PTPRD: variants seen among roughly 807,000 people sequenced by gnomAD.
PTPRD encodes the protein receptor-type tyrosine-protein phosphatase delta.
Under a neutral mutation model 214.5 loss-of-function variants are expected in PTPRD, and 34 were observed. That is an observed-to-expected ratio of 0.16 (90% confidence interval 0.12 to 0.21). The LOEUF is 0.21. Ranked by LOEUF, PTPRD falls within the 10% of genes least tolerant of loss-of-function variation. PTPRD has a pLI of 1.00. For missense variants in PTPRD, 2,545 were observed against 2,398.7 expected (o/e 1.06, Z -1.27); for synonymous variants, 1,128 against 845.7 (o/e 1.33, Z -5.79).
At chr9:9,453,436 C>T (rs1489971056) in intron 8 of PTPRD, among the ~76,000 whole-genome samples, 1 of 151,484 alleles carries the variant, frequency 6.6e-6, no homozygotes, top group African/African-American at 2.4e-5. Context: ...TCATTATCAC[C>T]ATTTTATTGT....
chr9:10,215,292 A>G (rs1465257119), intron 3 of PTPRD, among the ~76,000 whole-genome samples: 2 of 152,048 alleles, frequency 1.3e-5, no homozygotes, highest in African/African-American at 4.8e-5. Flanking sequence ...AAAAAAAGCA[A>G]AGCTCTTCTA....
chr9:9,499,153 A>G (rs1419196460), intron 8 of PTPRD, among the ~76,000 whole-genome samples: 1 of 152,194 alleles, frequency 6.6e-6, no homozygotes, highest in Non-Finnish European at 1.5e-5. Flanking sequence ...GTTTCTCTTC[A>G]AAGATAATCA....
At chr9:9,447,543 G>C (rs538034787) in intron 8 of PTPRD, among the ~76,000 whole-genome samples, 2 of 152,128 alleles carry the variant, frequency 1.3e-5, no homozygotes, top group South Asian at 2.1e-4. Flanking sequence ...AGGAAGGAGA[G>C]GATCAGGAAA....
At chr9:9,231,150 C>T (rs1219046674) in intron 9 of PTPRD, among the ~76,000 whole-genome samples, 1 of 152,100 alleles carries the variant, frequency 6.6e-6, no homozygotes, top group African/African-American at 2.4e-5. Context: ...TCTGCACTGT[C>T]TGCTACTATT....
intron 5 of PTPRD, among the ~76,000 whole-genome samples, chr9:9,898,987 T>A (rs1465308986): frequency 2.6e-5 from 4 of 151,906 alleles, no homozygotes; most frequent in African/African-American, 4.8e-5. Context: ...ACATAACAAA[T>A]CCCCAAAAAA....
chr9:9,037,914 C>T (rs1050589755), intron 10 of PTPRD, among the ~76,000 whole-genome samples: 39 of 152,176 alleles, frequency 2.6e-4, no homozygotes, highest in African/African-American at 9.4e-4. Context: ...TGTGGTTTAG[C>T]ATCTGGTTTG....
intron 9 of PTPRD, among the ~76,000 whole-genome samples, chr9:9,209,995 G>A (rs1019716864): frequency 3.3e-5 from 5 of 152,218 alleles, no homozygotes; most frequent in African/African-American, 4.8e-5. Flanking sequence ...TGATTATCAC[G>A]CAGTAGATTT....
At chr9:9,508,521 T>C (rs1172419146) in intron 8 of PTPRD, among the ~76,000 whole-genome samples, 1 of 151,758 alleles carries the variant, frequency 6.6e-6, no homozygotes, top group Admixed American at 6.6e-5. Flanking sequence ...TAATCTACTT[T>C]CCGAGCTTGC....
At chr9:9,133,900 G>T (rs538087973) in intron 10 of PTPRD, among the ~76,000 whole-genome samples, 3 of 151,956 alleles carry the variant, frequency 2.0e-5, no homozygotes, top group Non-Finnish European at 2.9e-5. Flanking sequence ...AAGGGAACTG[G>T]GTAAGACTCT....
intron 3 of PTPRD, among the ~76,000 whole-genome samples, chr9:10,150,867 A>G (rs982780726): frequency 6.6e-6 from 1 of 152,050 alleles, no homozygotes; most frequent in African/African-American, 2.4e-5. Flanking sequence ...TTGGAGTTCA[A>G]TAAAAATTTT....
chr9:8,346,650 C>A (rs1857935541), intron 39 of PTPRD, among the ~76,000 whole-genome samples: 1 of 152,030 alleles, frequency 6.6e-6, no homozygotes, highest in Non-Finnish European at 1.5e-5. Context: ...GATGGACTGC[C>A]CTGGTATTGT....
chr9:9,366,189 TA>T (rs1045601105), intron 9 of PTPRD, among the ~76,000 whole-genome samples: 1 of 151,498 alleles, frequency 6.6e-6, no homozygotes, highest in African/African-American at 2.4e-5. Context: ...CAAATAAAAC[TA>T]AAAAAGAATT....
At chr9:8,671,577 G>C (rs944071633) in intron 12 of PTPRD, among the ~76,000 whole-genome samples, 2 of 152,036 alleles carry the variant, frequency 1.3e-5, no homozygotes, top group Admixed American at 1.3e-4. Context: ...TTTTAAAAAT[G>C]TACCTAGCCA....
intron 35 of PTPRD, among the ~76,000 whole-genome samples, chr9:8,431,561 C>T (rs902160709): frequency 2.0e-5 from 3 of 152,132 alleles, no homozygotes; most frequent in African/African-American, 7.2e-5. Flanking sequence ...ATGATGCCTA[C>T]TGATTAAATT....
chr9:9,430,784 C>G (rs1226126989), intron 8 of PTPRD, among the ~76,000 whole-genome samples: 1 of 152,030 alleles, frequency 6.6e-6, no homozygotes, highest in Non-Finnish European at 1.5e-5. Context: ...ACAAATCTAA[C>G]AAAAACAAGA....
chr9:8,900,736 A>C (rs562169582), intron 11 of PTPRD, among the ~76,000 whole-genome samples: 1 of 152,188 alleles, frequency 6.6e-6, no homozygotes, highest in Non-Finnish European at 1.5e-5. Context: ...GTAGTGAATA[A>C]ACCAAATTAG....
chr9:9,662,032 T>C (rs1314934961), intron 7 of PTPRD, among the ~76,000 whole-genome samples: 1 of 151,774 alleles, frequency 6.6e-6, no homozygotes, highest in Admixed American at 6.6e-5. Context: ...TGATTCCTGA[T>C]ACAATTTAAA....
At chr9:9,581,411 A>C (rs2090729793) in intron 7 of PTPRD, among the ~76,000 whole-genome samples, 1 of 152,168 alleles carries the variant, frequency 6.6e-6, no homozygotes, top group African/African-American at 2.4e-5. Context: ...CCATTTAGAA[A>C]AATGCAAATA....
chr9:9,787,733 A>G (rs2098935809), intron 5 of PTPRD, among the ~76,000 whole-genome samples: 1 of 151,798 alleles, frequency 6.6e-6, no homozygotes, highest in Admixed American at 6.6e-5. Context: ...GACAAACAGT[A>G]GAAAAATTTG....
Sources: gnomAD v4.1 joint callset for allele counts (sites outside exome capture counted in the v4.1 genomes callset) on GRCh38, gnomAD v4.1.1 for gene constraint, MANE v1.5 for transcripts, NCBI Gene and HGNC (gene_info 2026-07-23, HGNC 2026-07-21) for gene names.